Variants in MICAL2 observed in about 807,000 individuals in gnomAD.
MICAL2 encodes the protein microtubule associated monooxygenase, calponin and LIM domain containing 2.
A neutral mutation model predicts 127.3 loss-of-function variants in MICAL2; 77 were observed. The ratio of observed to expected loss-of-function variants is 0.60; its 90% CI spans 0.50 to 0.73. The LOEUF (loss-of-function observed/expected upper bound fraction) is 0.73, where lower values mean the gene tolerates loss of function less well. Among genes scored for constraint, MICAL2 ranks in the 30% least tolerant of loss-of-function variants. The pLI is 0.00. For missense variants in MICAL2, 1,351 were observed against 1,434.4 expected (o/e 0.94, Z 0.94); for synonymous variants, 570 against 551.1 (o/e 1.03, Z -0.48).
intron 32 of MICAL2, among the ~76,000 whole-genome samples, chr11:12,348,830 TTATGAG>T (rs1938998719): frequency 6.6e-6 from 1 of 152,200 alleles, no homozygotes; most frequent in African/African-American, 2.4e-5. Flanking sequence ...GAAAAGTTTG[TTATGAG>T]GATTAAATTA....
chr11:12,277,118 GTGGTCT>G (rs1240761595), intron 1 of MICAL2, among the ~76,000 whole-genome samples: 1 of 152,082 alleles, frequency 6.6e-6, no homozygotes, highest in East Asian at 1.9e-4. Flanking sequence ...CTGGGCAGTT[GTGGTCT>G]TGGTGGGCTC....
chr11:12,200,826 G>A (rs1860615848), intron 3 of MICAL2, among the ~76,000 whole-genome samples: 1 of 152,254 alleles, frequency 6.6e-6, no homozygotes, highest in African/African-American at 2.4e-5. Context: ...TGGTGGGAAA[G>A]GGGTCTCCTG....
At chr11:12,299,751 G>A (rs1212935914) in intron 29 of MICAL2, among the ~76,000 whole-genome samples, 1 of 152,104 alleles carries the variant, frequency 6.6e-6, no homozygotes, top group Non-Finnish European at 1.5e-5. Context: ...ATGCACATTT[G>A]TGTAATCGCC....
intron 1 of MICAL2, among the ~76,000 whole-genome samples, chr11:12,127,732 C>T (rs1002033904): frequency 6.6e-6 from 1 of 152,118 alleles, no homozygotes; most frequent in African/African-American, 2.4e-5. Flanking sequence ...TTTGAGTGCT[C>T]TTGAGCAGAG....
rs181264815 is a variant in MICAL2, at chr11:12,241,374, C to G, written c.2337+212C>G. ...TGATCCCTTAGCCAGTCAGAGGTAT[C>G]AATTGACCAAATACCATGCTCTCGA... On this transcript the variant is annotated intron_variant, in intron 18 of 27. Coordinates refer to ENST00000683283, the MANE Select transcript of MICAL2 (RefSeq NM_001282663.2). Among the ~76,000 whole-genome samples the G allele has an allele frequency of 5.3e-5, 8 of 152,258 alleles. No individual in the cohort carries two copies. In the East Asian group the frequency reaches 1.3e-3, roughly 26 times the overall value.
In MICAL2 at chr11:12,315,302, A is replaced by G. The variant is rs559275502; in HGVS notation, c.5213-4394A>G. On this transcript the variant is annotated intron_variant, in intron 29 of 34. Transcript: ENST00000646065. ...TGATTTTAAACCTTTCTTCTGTTCT[A>G]ATATAAACAAGGTAAAGCCATACAT... 9.2e-5 allele frequency among the ~76,000 whole-genome samples: 14 copies of G among 152,276 alleles called. No homozygotes were observed. The South Asian group carries it at 2.3e-3, about 25-fold the overall frequency.
rs192454720 is a variant in MICAL2 at position 12,345,809 on chromosome 11, T to C, written c.5516-4029T>C. On this transcript the variant is annotated intron_variant, in intron 32 of 34. Transcript: ENST00000646065. ...TAGGATGAAGGTGTGAGAGAGAGGG[T>C]CTCTCCATTTTGGGTTGTTTATATA... is the stretch of plus-strand genomic sequence containing the variant. 1.5e-4 allele frequency among the ~76,000 whole-genome samples: 22 copies of C among 150,994 alleles called. 2 individuals carry two copies. Among genetic ancestry groups the C allele is most frequent in the African/African-American group, 5.1e-4 (21 of 40,852 alleles).
At chr11:12,168,946 CAAAA>C (rs66469229) in intron 3 of MICAL2, among the ~76,000 whole-genome samples, 5 of 115,196 alleles carry the variant, frequency 4.3e-5, no homozygotes, top group Non-Finnish European at 5.0e-5. Context: ...GATCCTGTCT[CAAAA>C]AAAAAAAAAA....
intron 15 of MICAL2, among the ~76,000 whole-genome samples, chr11:12,230,449 C>T (rs1038840309): frequency 1.3e-5 from 2 of 152,172 alleles, no homozygotes; most frequent in South Asian, 4.1e-4. Context: ...GGCAGGCATG[C>T]TTGCACGAGT....
At chr11:12,327,828 A>C (rs890961417) in intron 32 of MICAL2, among the ~76,000 whole-genome samples, 1 of 149,824 alleles carries the variant, frequency 6.7e-6, no homozygotes. Context: ...TTTGCAATTC[A>C]AGGATTAAGA....
At chr11:12,278,891 G>T (rs1205102541) in intron 1 of MICAL2, among the ~76,000 whole-genome samples, 5 of 152,222 alleles carry the variant, frequency 3.3e-5, no homozygotes, top group African/African-American at 1.2e-4. Flanking sequence ...GGCACGTTGG[G>T]TTTGAGATGC....
In MICAL2 at chr11:12,221,646, AT is replaced by A. The variant is rs1280114955; in HGVS notation, c.1213del (p.Trp405GlyfsTer21). 2.5e-6 allele frequency: 4 copies of A among 1,605,432 alleles called. No individual in the cohort carries two copies. The highest frequency in any genetic ancestry group is 3.4e-6 in the Non-Finnish European group (4 of 1,175,220). Reference sequence around the variant, plus strand: ...ATTTTGCACGTTTTCTTTTGCAGCCATTTTGGCCCATGGGTACAGGCTGTGC... The same window carrying A: ...ATTTTGCACGTTTTCTTTTGCAGCCATTTGGCCCATGGGTACAGGCTGTGC... ...ALVGDSLLEP[F>X]WPMGTGCARG... On this transcript the variant is annotated frameshift_variant, in exon 10 of 28. Transcript: ENST00000683283. LOFTEE classifies it high-confidence loss of function.
At chr11:12,335,146 T>C (rs1938725683) in intron 32 of MICAL2, among the ~76,000 whole-genome samples, 1 of 147,654 alleles carries the variant, frequency 6.8e-6, no homozygotes, top group Non-Finnish European at 1.5e-5. Flanking sequence ...ATTGCCGTTC[T>C]AACTGGTGTG....
At chr11:12,201,811 C>T (rs901283) in intron 3 of MICAL2, among the ~76,000 whole-genome samples, 113,050 of 152,126 alleles carry the variant, frequency 0.74, 46,369 homozygotes, top group Non-Finnish European at 0.92. Context: ...CCATAAAATA[C>T]GCCTTTGGCA....
intron 25 of MICAL2, among the ~76,000 whole-genome samples, chr11:12,259,084 A>G (rs752313965): frequency 2.6e-5 from 4 of 152,248 alleles, no homozygotes; most frequent in South Asian, 2.1e-4. Flanking sequence ...ACCACTAGCA[A>G]CAACCCATAA....
At chr11:12,207,972 G>A (rs781337416) in intron 4 of MICAL2, 51 bp from the exon 5 acceptor site, 3 of 1,340,848 alleles carry the variant, frequency 2.2e-6, no homozygotes, top group Non-Finnish European at 3.2e-6. Flanking sequence ...CTGCATATAG[G>A]TGGTGTTCAG....
intron 26 of MICAL2, chr11:12,260,897 C>G: frequency 1.0e-6 from 1 of 985,482 alleles, no homozygotes; most frequent in African/African-American, 1.7e-5. Context: ...ACAGATTCTA[C>G]AAACATGCAT....
chr11:12,282,070 G>GT (rs1565292400), intron 2 of MICAL2, among the ~76,000 whole-genome samples: 1 of 152,182 alleles, frequency 6.6e-6, no homozygotes, highest in Admixed American at 6.5e-5. Context: ...TCCGTGAAAT[G>GT]TTTTCAGGAG....
At chr11:12,158,170 A>G (rs367699264) in intron 2 of MICAL2, among the ~76,000 whole-genome samples, 21 of 152,280 alleles carry the variant, frequency 1.4e-4, no homozygotes, top group African/African-American at 4.6e-4. Flanking sequence ...TGCTCAACCA[A>G]GTAAGTATGA....
Sources: allele counts gnomAD v4.1 joint callset (sites outside exome capture counted in the v4.1 genomes callset), GRCh38; gene constraint gnomAD v4.1.1; transcripts MANE v1.5; gene names NCBI Gene and HGNC (gene_info 2026-07-23, HGNC 2026-07-21).